LRRTM4: variants seen among roughly 807,000 people sequenced by gnomAD.
LRRTM4 encodes the protein leucine-rich repeat transmembrane neuronal protein 4.
In LRRTM4, 25 loss-of-function variants were observed where a neutral mutation model predicts 47.6. The observed-to-expected ratio is 0.53, with a 90% CI of 0.38 to 0.73. The LOEUF is 0.73. Ranked by LOEUF, LRRTM4 falls within the 30% of genes least tolerant of loss-of-function variation. The pLI, the probability that LRRTM4 is intolerant of heterozygous loss-of-function variation, is 0.00. For missense variants in LRRTM4, 638 were observed against 713.4 expected (o/e 0.89, Z 1.20); for synonymous variants, 311 against 269.5 (o/e 1.15, Z -1.51).
At chr2:77,424,269 A>G (rs999961317) in intron 3 of LRRTM4, among the ~76,000 whole-genome samples, 3 of 152,074 alleles carry the variant, frequency 2.0e-5, no homozygotes, top group Non-Finnish European at 4.4e-5. Context: ...TTGTTTTTGA[A>G]ATAAGAAGCA....
intron 3 of LRRTM4, among the ~76,000 whole-genome samples, chr2:77,025,664 G>A (rs1285465855): frequency 6.6e-5 from 10 of 152,166 alleles, no homozygotes; most frequent in Admixed American, 6.6e-5. Flanking sequence ...AAGGCTGGTA[G>A]AAGCAGTGAT....
chr2:77,170,643 T>C (rs987113774), intron 3 of LRRTM4, among the ~76,000 whole-genome samples: 47 of 152,180 alleles, frequency 3.1e-4, no homozygotes, highest in African/African-American at 9.7e-4. Context: ...TTTAAAGTTA[T>C]TTCTGGCAGA....
chr2:76,972,412 CTTTTTTT>C (rs397869502), intron 3 of LRRTM4, among the ~76,000 whole-genome samples: 112 of 95,262 alleles, frequency 1.2e-3, no homozygotes, highest in African/African-American at 4.4e-3. Flanking sequence ...TCATTGAACA[CTTTTTTT>C]TTTTTTTTTT....
intron 3 of LRRTM4, among the ~76,000 whole-genome samples, chr2:77,283,408 G>T (rs964120103): frequency 6.6e-6 from 1 of 151,916 alleles, no homozygotes; most frequent in Non-Finnish European, 1.5e-5. Flanking sequence ...ACTGTGGAAA[G>T]AAGACTGAAG....
At chr2:77,399,498 G>C (rs181571239) in intron 3 of LRRTM4, among the ~76,000 whole-genome samples, 38 of 151,858 alleles carry the variant, frequency 2.5e-4, no homozygotes, top group African/African-American at 7.7e-4. Context: ...AGTTGTCAGA[G>C]GTTACACAAT....
intron 3 of LRRTM4, among the ~76,000 whole-genome samples, chr2:76,916,145 A>G (rs1674236002): frequency 6.6e-6 from 1 of 152,134 alleles, no homozygotes; most frequent in African/African-American, 2.4e-5. Context: ...CAGAGGAAAG[A>G]AAAAACTAAG....
intron 3 of LRRTM4, among the ~76,000 whole-genome samples, chr2:77,063,300 T>C (rs545451905): frequency 1.7e-4 from 26 of 152,290 alleles, no homozygotes; most frequent in Admixed American, 4.6e-4. Context: ...ATTGTCATCA[T>C]TGTGTCCAGG....
chr2:77,479,204 G>A (rs11126608), intron 3 of LRRTM4, among the ~76,000 whole-genome samples: 94,321 of 151,736 alleles, frequency 0.62, 29,606 homozygotes, highest in Middle Eastern at 0.72. Context: ...CTGTAATTCA[G>A]TATTTTTATA....
chr2:76,832,179 T>C (rs149168157), intron 3 of LRRTM4, among the ~76,000 whole-genome samples: 155 of 152,236 alleles, frequency 1.0e-3, no homozygotes, highest in African/African-American at 3.6e-3. Flanking sequence ...TTTATCTTAT[T>C]TGCCTTGTTT....
intron 3 of LRRTM4, among the ~76,000 whole-genome samples, chr2:77,106,483 T>C (rs980452591): frequency 6.6e-6 from 1 of 152,108 alleles, no homozygotes. Flanking sequence ...TTTATCCTGT[T>C]GGCATTTGGC....
At chr2:76,927,512 T>C (rs79682380) in intron 3 of LRRTM4, among the ~76,000 whole-genome samples, 2,995 of 152,196 alleles carry the variant, frequency 0.02, 86 homozygotes, top group African/African-American at 0.064. Context: ...CTGGTAGATG[T>C]TGGTTCTCGG....
At chr2:77,250,271 C>G (rs565626272) in intron 3 of LRRTM4, among the ~76,000 whole-genome samples, 2 of 151,932 alleles carry the variant, frequency 1.3e-5, no homozygotes, top group African/African-American at 4.8e-5. Context: ...AAGAGTGGAC[C>G]CTAATGTAAA....
intron 3 of LRRTM4, among the ~76,000 whole-genome samples, chr2:77,390,303 A>G (rs923798448): frequency 2.6e-5 from 4 of 152,040 alleles, no homozygotes; most frequent in African/African-American, 9.7e-5. Context: ...AGGTAGGAAA[A>G]AAGACACACA....
intron 3 of LRRTM4, among the ~76,000 whole-genome samples, chr2:77,035,273 A>C (rs1029525919): frequency 1.3e-5 from 2 of 151,572 alleles, no homozygotes; most frequent in Non-Finnish European, 3.0e-5. Context: ...ACAAACAAAC[A>C]AACAAACAAA....
chr2:76,917,742 T>C (rs575413939), intron 3 of LRRTM4, among the ~76,000 whole-genome samples: 1 of 152,156 alleles, frequency 6.6e-6, no homozygotes, highest in Non-Finnish European at 1.5e-5. Flanking sequence ...AGGACAGTCA[T>C]GCCCCTAACT....
intron 3 of LRRTM4, among the ~76,000 whole-genome samples, chr2:77,153,407 C>T (rs981867399): frequency 2.6e-5 from 4 of 152,016 alleles, no homozygotes; most frequent in Admixed American, 2.6e-4. Context: ...TGCAAAGCTC[C>T]CAAGTTTAAA....
At chr2:77,421,615 G>C (rs894968962) in intron 3 of LRRTM4, among the ~76,000 whole-genome samples, 4 of 152,226 alleles carry the variant, frequency 2.6e-5, no homozygotes, top group Admixed American at 6.5e-5. Context: ...GCTGAAGCAG[G>C]AGAATGGCGT....
At chr2:77,136,242 G>A (rs1272686336) in intron 3 of LRRTM4, among the ~76,000 whole-genome samples, 1 of 152,172 alleles carries the variant, frequency 6.6e-6, no homozygotes, top group Non-Finnish European at 1.5e-5. Context: ...GGGGCAGATT[G>A]ACACCTCACA....
intron 3 of LRRTM4, among the ~76,000 whole-genome samples, chr2:77,500,417 T>C (rs1361836574): frequency 6.6e-6 from 1 of 151,032 alleles, no homozygotes; most frequent in African/African-American, 2.4e-5. Flanking sequence ...CTGGTTGTAA[T>C]AAGTGCATTA....
Sources: allele counts gnomAD v4.1 joint callset (sites outside exome capture counted in the v4.1 genomes callset), GRCh38; gene constraint gnomAD v4.1.1; transcripts MANE v1.5; gene names NCBI Gene and HGNC (gene_info 2026-07-23, HGNC 2026-07-21).